The following CPNE8 variants were observed in gnomAD, a reference collection of about 807,000 sequenced individuals.
CPNE8 encodes copine 8, also known as copine-8.
In CPNE8, 45 loss-of-function variants were observed where a neutral mutation model predicts 81.5. That is an observed-to-expected ratio of 0.55 (90% CI 0.44 to 0.71). The LOEUF is 0.71. Among genes scored for constraint, CPNE8 ranks in the 30% least tolerant of loss-of-function variants. The pLI, the probability that CPNE8 is intolerant of heterozygous loss-of-function variation, is 0.00. For missense variants in CPNE8, 594 were observed against 672.1 expected (o/e 0.88, Z 1.28); for synonymous variants, 252 against 226.3 (o/e 1.11, Z -1.02).
intron 1 of CPNE8, among the ~76,000 whole-genome samples, chr12:38,876,173 C>G (rs1245900345): frequency 3.3e-5 from 5 of 152,132 alleles, no homozygotes; most frequent in African/African-American, 9.7e-5. Flanking sequence ...GTTTTAACCA[C>G]AAATACAAAA....
At chr12:38,665,178 T>A (rs1005542403) in intron 19 of CPNE8, among the ~76,000 whole-genome samples, 6 of 152,194 alleles carry the variant, frequency 3.9e-5, no homozygotes, top group Non-Finnish European at 8.8e-5. Flanking sequence ...CTCAACTTCT[T>A]AGGCCACTCT....
chr12:38,684,177 C>G (rs1939476508), intron 16 of CPNE8, among the ~76,000 whole-genome samples: 1 of 151,932 alleles, frequency 6.6e-6, no homozygotes, highest in African/African-American at 2.4e-5. Flanking sequence ...ATTTGACTGC[C>G]ATCAATATAT....
intron 16 of CPNE8, among the ~76,000 whole-genome samples, chr12:38,683,027 CA>C (rs964442531): frequency 6.6e-6 from 1 of 151,100 alleles, no homozygotes; most frequent in African/African-American, 2.4e-5. Context: ...TGGAAAGCCT[CA>C]AAAAAAAGCA....
intron 5 of CPNE8, among the ~76,000 whole-genome samples, chr12:38,839,072 A>G (rs150398309): frequency 1.3e-5 from 2 of 152,204 alleles, no homozygotes; most frequent in African/African-American, 4.8e-5. Context: ...CTCTGACACA[A>G]CTGCTAATTC....
intron 5 of CPNE8, among the ~76,000 whole-genome samples, chr12:38,835,475 C>T (rs1441654709): frequency 2.0e-5 from 3 of 152,196 alleles, no homozygotes; most frequent in Non-Finnish European, 2.9e-5. Flanking sequence ...CTGCTTACCT[C>T]ACCTCTTCAA....
At chr12:38,785,061 G>A (rs1942148441) in intron 6 of CPNE8, among the ~76,000 whole-genome samples, 1 of 152,052 alleles carries the variant, frequency 6.6e-6, no homozygotes, top group Non-Finnish European at 1.5e-5. Context: ...TGGGTGCGAT[G>A]GCACGTGCCT....
chr12:38,670,646 T>C (rs1354693140), intron 19 of CPNE8, 83 bp downstream of exon 19: 1 of 902,010 alleles, frequency 1.1e-6, no homozygotes. Flanking sequence ...AAAAAGTCTG[T>C]TATATTTCTA....
chr12:38,719,555 C>G (rs968800526), intron 13 of CPNE8, among the ~76,000 whole-genome samples: 6 of 142,604 alleles, frequency 4.2e-5, no homozygotes, highest in Non-Finnish European at 9.0e-5. Context: ...GTGTTGCCAG[C>G]CTGGGCAACA....
chr12:38,708,055 C>T (rs1049478982), intron 13 of CPNE8, among the ~76,000 whole-genome samples: 1 of 152,300 alleles, frequency 6.6e-6, no homozygotes, highest in Non-Finnish European at 1.5e-5. Context: ...CTAAAATTCA[C>T]CTGCACATTT....
At chr12:38,698,354 T>C (rs985928806) in intron 14 of CPNE8, among the ~76,000 whole-genome samples, 2 of 152,230 alleles carry the variant, frequency 1.3e-5, no homozygotes, top group African/African-American at 4.8e-5. Flanking sequence ...TTTTGGGGGA[T>C]GTCTTTTCAT....
upstream of CPNE8, chr12:38,906,659 G>A (rs1309329932): frequency 1.0e-6 from 1 of 957,776 alleles, no homozygotes; most frequent in Non-Finnish European, 1.2e-6. Context: ...AGCAAGACTG[G>A]TGCCAAGACG....
chr12:38,683,081 G>A (rs1460661281), intron 16 of CPNE8, among the ~76,000 whole-genome samples: 1 of 152,056 alleles, frequency 6.6e-6, no homozygotes, highest in Non-Finnish European at 1.5e-5. Context: ...TTTGAGTCTT[G>A]TCTATTTTAC....
In CPNE8 at chr12:38,693,641, T is replaced by C; in HGVS notation, c.1143+16A>G. Reference sequence around the variant, plus strand: ...TTAATTTTTCAAAACATCAAATCCTTTTGACAAATTCTTACCAAAGCAAAT... The same window carrying C: ...TTAATTTTTCAAAACATCAAATCCTCTTGACAAATTCTTACCAAAGCAAAT... On this transcript the variant is annotated intron_variant, in intron 15 of 19. Transcript: ENST00000331366. 6.3e-7 allele frequency: 1 copy of C among 1,597,522 alleles called. No individual in the cohort carries two copies. The highest frequency in any genetic ancestry group is 8.5e-7 in the Non-Finnish European group (1 of 1,172,376).
intron 19 of CPNE8, among the ~76,000 whole-genome samples, chr12:38,659,613 C>T (rs927652113): frequency 2.0e-5 from 3 of 152,180 alleles, no homozygotes; most frequent in Admixed American, 6.5e-5. Context: ...AGCACCACAT[C>T]GCACGTATTC....
intron 13 of CPNE8, among the ~76,000 whole-genome samples, chr12:38,710,612 T>G (rs1323371797): frequency 6.6e-6 from 1 of 152,186 alleles, no homozygotes; most frequent in East Asian, 1.9e-4. Flanking sequence ...GAGCAACCCA[T>G]GCCATTTTCT....
chr12:38,861,227 G>T (rs1943828902), intron 3 of CPNE8, among the ~76,000 whole-genome samples: 1 of 152,120 alleles, frequency 6.6e-6, no homozygotes, highest in Admixed American at 6.5e-5. Flanking sequence ...GCCACTGGCT[G>T]GGCGGGGGAG....
chr12:38,763,402 G>T (rs1164918386), intron 8 of CPNE8, among the ~76,000 whole-genome samples: 1 of 152,224 alleles, frequency 6.6e-6, no homozygotes, highest in Non-Finnish European at 1.5e-5. Flanking sequence ...TAAAGAAAAT[G>T]TTCATAGATT....
At position 38,746,054 on chromosome 12, in the gene CPNE8, G is replaced by A. The variant is rs140557916; in HGVS notation, c.722+14793C>T. ...GTTAAAACCACTGCTTTAAGTGGCC[G>A]CAATATGTATTTCTCGCAATCAGTA... On this transcript the variant is annotated intron_variant, in intron 10 of 19. Transcript: ENST00000331366. 1.2e-4 allele frequency among the ~76,000 whole-genome samples: 19 copies of A among 152,134 alleles called. No individual in the cohort carries two copies. The East Asian group carries it at 3.3e-3, about 26-fold the overall frequency.
chr12:38,672,763 A>G (rs1337399809), intron 18 of CPNE8, among the ~76,000 whole-genome samples: 2 of 152,170 alleles, frequency 1.3e-5, no homozygotes, highest in African/African-American at 4.8e-5. Flanking sequence ...ATTTATGTAG[A>G]TAGTTTTAAA....
Sources: allele counts gnomAD v4.1 joint callset (sites outside exome capture counted in the v4.1 genomes callset), GRCh38; gene constraint gnomAD v4.1.1; transcripts MANE v1.5; gene names NCBI Gene and HGNC (gene_info 2026-07-23, HGNC 2026-07-21).